AOPEP: variants seen among roughly 807,000 people sequenced by gnomAD.
The protein encoded by AOPEP is aminopeptidase O.
In AOPEP, 77 loss-of-function variants were observed where a neutral mutation model predicts 98.1. That is an observed-to-expected ratio of 0.78 (90% CI 0.65 to 0.95). The LOEUF is 0.95. Among genes scored for constraint, AOPEP ranks in the 40% least tolerant of loss-of-function variants. AOPEP has a pLI of 0.00. For synonymous variants in AOPEP, 346 were observed against 365.3 expected (o/e 0.95, Z 0.60); for missense variants, 1,024 against 1,024.7 (o/e 1.00, Z 0.01).
At chr9:94,916,511 T>C (rs1354254228) in intron 5 of AOPEP, among the ~76,000 whole-genome samples, 1 of 152,076 alleles carries the variant, frequency 6.6e-6, no homozygotes, top group Non-Finnish European at 1.5e-5. Flanking sequence ...AAGACCATCC[T>C]GGCCAACATG....
rs1338078678 is a variant in AOPEP at position 94,938,936 on chromosome 9, G to A, written c.1661+10405G>A. On this transcript the variant is annotated intron_variant, in intron 7 of 16. Transcript: ENST00000375315. ...GATCTGACTGAATTGTTCATTTGCAGCTATCAAAAATGGATTGAAAGAAGG... is the reference window on the plus strand; with the variant it reads ...GATCTGACTGAATTGTTCATTTGCAACTATCAAAAATGGATTGAAAGAAGG... Among the ~76,000 whole-genome samples the A allele has an allele frequency of 2.6e-5, 4 of 152,154 alleles. No homozygotes were observed. The East Asian group carries it at 7.7e-4, about 29-fold the overall frequency.
intron 13 of AOPEP, among the ~76,000 whole-genome samples, chr9:95,011,088 A>T (rs1386548896): frequency 6.6e-6 from 1 of 152,138 alleles, no homozygotes; most frequent in Middle Eastern, 3.2e-3. Context: ...TGGACCAAGG[A>T]ATAATTGCTG....
At chr9:94,865,357 C>T (rs1264195577) in intron 5 of AOPEP, among the ~76,000 whole-genome samples, 1 of 152,130 alleles carries the variant, frequency 6.6e-6, no homozygotes, top group East Asian at 1.9e-4. Context: ...TACTTCCTTT[C>T]CAAAATTTGA....
the AOPEP span, among the ~76,000 whole-genome samples, chr9:95,092,326 C>T: frequency 1.8e-4 from 28 of 152,228 alleles, no homozygotes; most frequent in African/African-American, 6.7e-4. Context: ...CTGGGCCCAC[C>T]CAGCATCTGG....
the AOPEP span, chr9:95,145,585 A>G: frequency 6.6e-6 from 1 of 152,162 alleles, no homozygotes; most frequent in Non-Finnish European, 1.5e-5. Context: ...ACAAACTAAT[A>G]ACAACCCTAG....
chr9:94,875,463 G>A, intron 5 of AOPEP, among the ~76,000 whole-genome samples: 1 of 151,548 alleles, frequency 6.6e-6, no homozygotes, highest in Admixed American at 6.6e-5. Context: ...ACCAGAAAAA[G>A]GAAAGTGATA....
chr9:94,986,356 T>C (rs1467770968), intron 11 of AOPEP, among the ~76,000 whole-genome samples: 1 of 152,256 alleles, frequency 6.6e-6, no homozygotes, highest in Admixed American at 6.5e-5. Flanking sequence ...ACAGTTGCAT[T>C]GTGAGTTGTA....
chr9:94,775,316 T>G (rs944699869), intron 3 of AOPEP, among the ~76,000 whole-genome samples: 3 of 152,116 alleles, frequency 2.0e-5, no homozygotes, highest in Non-Finnish European at 4.4e-5. Context: ...TTTTGTGATG[T>G]CTTTATCATA....
At chr9:94,936,408 T>A (rs2056286402) in intron 7 of AOPEP, among the ~76,000 whole-genome samples, 1 of 152,156 alleles carries the variant, frequency 6.6e-6, no homozygotes, top group Non-Finnish European at 1.5e-5. Flanking sequence ...AAGGCCAACA[T>A]AAATTTATCT....
intron 4 of AOPEP, among the ~76,000 whole-genome samples, chr9:94,798,275 T>C (rs1488526374): frequency 6.6e-6 from 1 of 152,208 alleles, no homozygotes; most frequent in Non-Finnish European, 1.5e-5. Context: ...CCTGCATTTT[T>C]TCCCAGGCTT....
intron 13 of AOPEP, among the ~76,000 whole-genome samples, chr9:95,041,386 A>G (rs1420530634): frequency 1.3e-5 from 2 of 151,030 alleles, no homozygotes; most frequent in African/African-American, 4.9e-5. Flanking sequence ...TCCTTGTGGT[A>G]ATTTGAAATT....
intron 14 of AOPEP, 111 bp downstream of exon 14, chr9:95,060,921 C>G: frequency 1.3e-6 from 1 of 748,040 alleles, no homozygotes; most frequent in Non-Finnish European, 2.4e-6. Flanking sequence ...TTAGCAAAAT[C>G]TCATGTGTTT....
At chr9:94,778,442 T>TAAA (rs1842631321) in intron 3 of AOPEP, among the ~76,000 whole-genome samples, 3 of 122,020 alleles carry the variant, frequency 2.5e-5, no homozygotes, top group African/African-American at 8.3e-5. Flanking sequence ...TACTGATAAA[T>TAAA]CAAAAAAAAA....
chr9:94,859,027 C>CCAAAAAAAA (rs1554745833), intron 5 of AOPEP, among the ~76,000 whole-genome samples: 3 of 132,818 alleles, frequency 2.3e-5, no homozygotes, highest in Non-Finnish European at 4.7e-5. Flanking sequence ...GACTCCATTT[C>CCAAAAAAAA]AAAAAAAAAG....
At chr9:94,801,105 T>C (rs1009475057) in intron 5 of AOPEP, 103 bp downstream of exon 5, 6 of 1,341,502 alleles carry the variant, frequency 4.5e-6, no homozygotes, top group Admixed American at 1.7e-5. Flanking sequence ...TTGATTAGAA[T>C]GGAGGGGCTA....
At chr9:95,003,142 ATGTGTGTGTG>A (rs139797365) in intron 11 of AOPEP, among the ~76,000 whole-genome samples, 12 of 149,376 alleles carry the variant, frequency 8.0e-5, no homozygotes, top group South Asian at 2.1e-4. Context: ...AGAATTAAGA[ATGTGTGTGTG>A]TGTGTGTGTG....
chr9:95,127,784 G>C, the AOPEP span, among the ~76,000 whole-genome samples: 1 of 152,358 alleles, frequency 6.6e-6, no homozygotes, highest in Middle Eastern at 3.4e-3. Context: ...GCGCCTCCTC[G>C]CGGCCTCCCC....
At chr9:94,851,622 C>A (rs1371056335) in intron 5 of AOPEP, among the ~76,000 whole-genome samples, 1 of 151,586 alleles carries the variant, frequency 6.6e-6, no homozygotes, top group Non-Finnish European at 1.5e-5. Flanking sequence ...TTGGCACTTA[C>A]TTCACTGTGA....
the AOPEP span, among the ~76,000 whole-genome samples, chr9:95,119,272 A>G: frequency 6.6e-6 from 1 of 152,006 alleles, no homozygotes; most frequent in African/African-American, 2.4e-5. Context: ...CTCTTCATAT[A>G]TTCTCGACAC....
Sources: gnomAD v4.1 joint callset for allele counts (sites outside exome capture counted in the v4.1 genomes callset) on GRCh38, gnomAD v4.1.1 for gene constraint, MANE v1.5 for transcripts, NCBI Gene and HGNC (gene_info 2026-07-23, HGNC 2026-07-21) for gene names.